The following RNF152 variants were observed in gnomAD, a reference collection of about 807,000 sequenced individuals.
RNF152 encodes the protein ring finger protein 152.
RNF152 carries 11 observed loss-of-function variants against 12.7 expected under a neutral mutation model. That is an observed-to-expected ratio of 0.86 (90% CI 0.54 to 1.43). The LOEUF (loss-of-function observed/expected upper bound fraction) is 1.43, where lower values mean the gene tolerates loss of function less well. RNF152 is among the 40% of genes most tolerant of loss of function. The pLI is 0.00. For synonymous variants in RNF152, 113 were observed against 120.3 expected, an observed-to-expected ratio of 0.94 and a Z score of 0.40; for missense variants, 255 against 274.8, an observed-to-expected ratio of 0.93 and a Z score of 0.51.
intron 1 of RNF152, among the ~76,000 whole-genome samples, chr18:61,854,663 T>C (rs1911138432): frequency 6.6e-6 from 1 of 152,212 alleles, no homozygotes; most frequent in Admixed American, 6.5e-5. Flanking sequence ...TTTTCAGTTT[T>C]CTACTATGAT....
intron 1 of RNF152, among the ~76,000 whole-genome samples, chr18:61,843,763 G>A (rs1166781085): frequency 6.6e-6 from 1 of 152,068 alleles, no homozygotes; most frequent in African/African-American, 2.4e-5. Context: ...AAATTATAAA[G>A]ACAGAAAGAA....
At position 61,812,501 on chromosome 18, in the gene RNF152, A is replaced by C. The variant is rs1908851403; in HGVS notation, c.*3351T>G. ...TAAGTATGACTGGAACCAAAAACCAAGTTGCCTTTTCATCACAACTTATGC... is the reference window on the plus strand; with the variant it reads ...TAAGTATGACTGGAACCAAAAACCACGTTGCCTTTTCATCACAACTTATGC... On this transcript the variant is annotated 3_prime_UTR_variant, in exon 2 of 2. Coordinates refer to ENST00000312828, the MANE Select transcript of RNF152 (RefSeq NM_173557.3). The C allele has an allele frequency of 6.6e-6, 1 of 152,170 alleles. No homozygotes were observed. The highest frequency in any genetic ancestry group is 2.1e-4 in the South Asian group (1 of 4,834). 9.4% of individuals were successfully genotyped at this position (152,170 alleles called of 1,614,324 possible).
intron 1 of RNF152, among the ~76,000 whole-genome samples, chr18:61,818,370 CCGTGT>C (rs1012050610): frequency 3.3e-5 from 5 of 152,042 alleles, no homozygotes; most frequent in African/African-American, 1.2e-4. Flanking sequence ...CTGCAGTGAG[CCGTGT>C]TTGCACCACT....
chr18:61,824,221 A>T (rs1909552404), intron 1 of RNF152, among the ~76,000 whole-genome samples: 1 of 152,248 alleles, frequency 6.6e-6, no homozygotes, highest in Non-Finnish European at 1.5e-5. Flanking sequence ...TCTAGCTCTT[A>T]TTCTGTCGTT....
intron 1 of RNF152, among the ~76,000 whole-genome samples, chr18:61,840,503 T>A (rs9946444): frequency 0.01 from 1,576 of 152,258 alleles, 26 homozygotes; most frequent in African/African-American, 0.036. Context: ...CATTTTAGTC[T>A]GGAAACTCCT....
At chr18:61,853,352 C>T (rs1046046840) in intron 1 of RNF152, among the ~76,000 whole-genome samples, 4 of 148,404 alleles carry the variant, frequency 2.7e-5, no homozygotes, top group African/African-American at 7.5e-5. Context: ...TAATGGCACA[C>T]GATCACAGCT....
intron 1 of RNF152, among the ~76,000 whole-genome samples, chr18:61,831,809 T>C (rs1909964444): frequency 6.6e-6 from 1 of 152,112 alleles, no homozygotes; most frequent in East Asian, 1.9e-4. Flanking sequence ...TGTCAAATGG[T>C]AAAAACTTAA....
chr18:61,848,657 G>A (rs1910840128), intron 1 of RNF152, among the ~76,000 whole-genome samples: 1 of 152,230 alleles, frequency 6.6e-6, no homozygotes, highest in Non-Finnish European at 1.5e-5. Flanking sequence ...ACCAGCACCT[G>A]TGGAAAGCCC....
chr18:61,866,368 C>T (rs896857966), intron 1 of RNF152, among the ~76,000 whole-genome samples: 3 of 152,154 alleles, frequency 2.0e-5, no homozygotes, highest in African/African-American at 7.2e-5. Flanking sequence ...TCTTATTACA[C>T]ACCAGGAGCT....
intron 1 of RNF152, among the ~76,000 whole-genome samples, chr18:61,836,620 G>C (rs1185121540): frequency 6.6e-6 from 1 of 152,140 alleles, no homozygotes; most frequent in Non-Finnish European, 1.5e-5. Flanking sequence ...CCAGCTTGCA[G>C]AACTATGAGA....
chr18:61,869,839 T>C (rs190691058), intron 1 of RNF152, among the ~76,000 whole-genome samples: 58 of 152,344 alleles, frequency 3.8e-4, no homozygotes, highest in Non-Finnish European at 6.0e-4. Flanking sequence ...CCTCAGCTTT[T>C]ATGCATCCAT....
chr18:61,834,602 A>G (rs1910096776), intron 1 of RNF152, among the ~76,000 whole-genome samples: 1 of 152,182 alleles, frequency 6.6e-6, no homozygotes, highest in Non-Finnish European at 1.5e-5. Flanking sequence ...TTTCTGCAGT[A>G]CCTAGGCAAT....
At chr18:61,859,653 C>T (rs559524302) in intron 1 of RNF152, among the ~76,000 whole-genome samples, 1 of 152,126 alleles carries the variant, frequency 6.6e-6, no homozygotes, top group Admixed American at 6.5e-5. Context: ...CCGAGGCGGG[C>T]AGATCACTTG....
intron 1 of RNF152, among the ~76,000 whole-genome samples, chr18:61,873,689 C>T (rs1017600228): frequency 2.0e-5 from 3 of 152,172 alleles, no homozygotes; most frequent in Admixed American, 6.6e-5. Context: ...GTGGGGTTAC[C>T]ACCACCATTT....
At position 61,812,919 on chromosome 18, in the gene RNF152, T is replaced by C. The variant is rs1908873252; in HGVS notation, c.*2933A>G. The C allele has an allele frequency of 6.6e-6, 1 of 152,042 alleles. No homozygotes were observed. The highest frequency in any genetic ancestry group is 1.5e-5 in the Non-Finnish European group (1 of 68,018). The allele number at this position is 152,042 out of a possible 1,614,324, so 9.4% of individuals were successfully genotyped here. A position where few individuals can be genotyped will look rare whatever the true frequency, so the allele number is the denominator to read the frequency against. ...GGGTATTCATCAACCCTAGAAAGGA[T>C]CATAGCCAGATAGAGATATAGACAG... is the stretch of plus-strand genomic sequence containing the variant. On this transcript the variant is annotated 3_prime_UTR_variant, in exon 2 of 2. Coordinates refer to ENST00000312828, the MANE Select transcript of RNF152 (RefSeq NM_173557.3).
At chr18:61,833,311 C>T (rs1284670958) in intron 1 of RNF152, among the ~76,000 whole-genome samples, 2 of 152,164 alleles carry the variant, frequency 1.3e-5, no homozygotes, top group African/African-American at 4.8e-5. Flanking sequence ...CTAACTAATA[C>T]TCTCAAGTTA....
At chr18:61,880,610 A>C (rs190920801) in intron 1 of RNF152, among the ~76,000 whole-genome samples, 1 of 151,634 alleles carries the variant, frequency 6.6e-6, no homozygotes, top group Non-Finnish European at 1.5e-5. Context: ...TATCTCCCCC[A>C]CTCTCCCAAA....
At position 61,811,223 on chromosome 18, in the gene RNF152, A is replaced by T. The variant is rs1283114273; in HGVS notation, c.*4629T>A. The T allele has an allele frequency of 6.6e-6, 1 of 152,174 alleles. No homozygotes were observed. The highest frequency in any genetic ancestry group is 1.5e-5 in the Non-Finnish European group (1 of 68,032). 9.4% of individuals were successfully genotyped at this position (152,174 alleles called of 1,614,324 possible). On this transcript the variant is annotated 3_prime_UTR_variant, in exon 2 of 2. Transcript: ENST00000312828. ...AGACTAACCAATTTTGAAACAACAT[A>T]AGTTTTCAAATAAAGGGATGGGAAC...
chr18:61,808,595 A>T lies in RNF152; in HGVS notation c.*7257T>A, dbSNP rs57520734. Reference sequence around the variant, plus strand: ...TGGATTGCAGCTACATGGCTTATGTAGGGAGTTTGTAACAGCCCCAAGCTG... The same window carrying T: ...TGGATTGCAGCTACATGGCTTATGTTGGGAGTTTGTAACAGCCCCAAGCTG... On this transcript the variant is annotated 3_prime_UTR_variant, in exon 2 of 2. Transcript: ENST00000312828. 37,431 of 151,968 alleles carry T rather than the reference A, an allele frequency of 0.25. 4,745 individuals carry two copies. The highest frequency in any genetic ancestry group is 0.3 in the African/African-American group (12,602 of 41,420). 9.4% of individuals were successfully genotyped at this position (151,968 alleles called of 1,614,324 possible).
Sources: allele counts gnomAD v4.1 joint callset (sites outside exome capture counted in the v4.1 genomes callset), GRCh38; gene constraint gnomAD v4.1.1; transcripts MANE v1.5; gene names NCBI Gene and HGNC (gene_info 2026-07-23, HGNC 2026-07-21).